NAV3: variants seen among roughly 807,000 people sequenced by gnomAD.
NAV3 encodes the protein pore membrane and/or filament interacting like protein 1.
A neutral mutation model predicts 244.7 loss-of-function variants in NAV3; 87 were observed. That is an observed-to-expected ratio of 0.36 (90% CI 0.30 to 0.42). The LOEUF (loss-of-function observed/expected upper bound fraction) is 0.42. Among genes scored for constraint, NAV3 ranks in the 20% least tolerant of loss-of-function variants. The probability of loss-of-function intolerance (pLI) is 1.00; values close to 1 mark genes in which losing one functional copy is unlikely to be tolerated. For synonymous variants in NAV3, 1,126 were observed against 1,042.2 expected (o/e 1.08, Z -1.55); for missense variants, 2,663 against 2,893.3 (o/e 0.92, Z 1.83).
At chr12:78,108,494 C>A (rs900480419) in intron 12 of NAV3, among the ~76,000 whole-genome samples, 2 of 152,104 alleles carry the variant, frequency 1.3e-5, no homozygotes, top group African/African-American at 2.4e-5. Context: ...CCAACCACTG[C>A]AAAATGAAAT....
At chr12:77,644,204 A>C (rs1178518023) in intron 2 of NAV3, among the ~76,000 whole-genome samples, 1 of 152,006 alleles carries the variant, frequency 6.6e-6, no homozygotes, top group Non-Finnish European at 1.5e-5. Context: ...AGGTCCCCCC[A>C]AAAAAGAGGA....
chr12:78,204,808 T>C, intron 38 of NAV3, 127 bp from the exon 39 acceptor site: 2 of 743,824 alleles, frequency 2.7e-6, no homozygotes, highest in South Asian at 1.8e-5. Context: ...TGTATACAGA[T>C]ACTTAATTCT....
intron 7 of NAV3, among the ~76,000 whole-genome samples, chr12:78,000,063 T>G (rs1462471544): frequency 6.6e-6 from 1 of 152,230 alleles, no homozygotes; most frequent in African/African-American, 2.4e-5. Flanking sequence ...TCTGAATTTT[T>G]CTGTAATGTG....
At chr12:77,710,728 C>T (rs1053902925) in intron 2 of NAV3, among the ~76,000 whole-genome samples, 6 of 152,024 alleles carry the variant, frequency 3.9e-5, no homozygotes, top group Admixed American at 2.0e-4. Context: ...TTTCTGCTGT[C>T]TTGAATTTGT....
At chr12:78,125,522 G>T (rs1300891281) in intron 16 of NAV3, among the ~76,000 whole-genome samples, 1 of 152,130 alleles carries the variant, frequency 6.6e-6, no homozygotes, top group Non-Finnish European at 1.5e-5. Context: ...ATAATTTGTA[G>T]TAACCAACTT....
chr12:78,182,547 A>G (rs148015599), intron 30 of NAV3, among the ~76,000 whole-genome samples: 2,496 of 152,072 alleles, frequency 0.016, 53 homozygotes, highest in African/African-American at 0.058. Flanking sequence ...TTTAGAAAAA[A>G]CAGACACATA....
chr12:77,634,504 C>G (rs1872067876), intron 2 of NAV3, among the ~76,000 whole-genome samples: 1 of 152,074 alleles, frequency 6.6e-6, no homozygotes, highest in Non-Finnish European at 1.5e-5. Context: ...TTTGGGACCA[C>G]AGTCAGTTGT....
intron 2 of NAV3, among the ~76,000 whole-genome samples, chr12:77,795,658 A>T (rs1329533535): frequency 6.6e-6 from 1 of 152,124 alleles, no homozygotes; most frequent in African/African-American, 2.4e-5. Flanking sequence ...CATAACGAAA[A>T]AGTCAATGCT....
intron 12 of NAV3, among the ~76,000 whole-genome samples, chr12:78,093,209 A>ATTCAGGTGTAGGT (rs1335465958): frequency 1.3e-5 from 2 of 152,204 alleles, no homozygotes; most frequent in African/African-American, 2.4e-5. Flanking sequence ...AAGCAAGCAA[A>ATTCAGGTGTAGGT]TTCAGGTGTA....
intron 2 of NAV3, among the ~76,000 whole-genome samples, chr12:77,724,866 A>G (rs148859587): frequency 2.0e-3 from 303 of 152,160 alleles, no homozygotes; most frequent in African/African-American, 6.9e-3. Flanking sequence ...AAGAAAGTTT[A>G]TGTTCTGTGC....
intron 8 of NAV3, among the ~76,000 whole-genome samples, chr12:78,018,705 C>T (rs961394522): frequency 1.3e-5 from 2 of 152,204 alleles, no homozygotes; most frequent in African/African-American, 4.8e-5. Context: ...CAACAAGGTG[C>T]TGTGTCTCTG....
chr12:77,861,116 T>C (rs1715636206), intron 1 of NAV3, among the ~76,000 whole-genome samples: 1 of 151,916 alleles, frequency 6.6e-6, no homozygotes, highest in Admixed American at 6.6e-5. Flanking sequence ...GATTGTCTCC[T>C]ATGTAGTAGA....
chr12:77,673,772 TA>T (rs1322913194), intron 2 of NAV3, among the ~76,000 whole-genome samples: 2 of 152,174 alleles, frequency 1.3e-5, no homozygotes, highest in East Asian at 3.8e-4. Flanking sequence ...TTATAAACTG[TA>T]AAATACCTAT....
At chr12:78,150,367 T>C (rs1957026202) in intron 22 of NAV3, among the ~76,000 whole-genome samples, 1 of 152,068 alleles carries the variant, frequency 6.6e-6, no homozygotes. Context: ...GCTCATCATA[T>C]AATTCAGATA....
At chr12:78,117,346 A>ATTT (rs1955459533) in intron 13 of NAV3, among the ~76,000 whole-genome samples, 1 of 143,738 alleles carries the variant, frequency 7.0e-6, no homozygotes, top group Admixed American at 7.2e-5. Context: ...TTAAATATAT[A>ATTT]AAAATATATA....
chr12:77,609,054 A>G (rs1870794891), intron 2 of NAV3, among the ~76,000 whole-genome samples: 1 of 152,036 alleles, frequency 6.6e-6, no homozygotes, highest in Non-Finnish European at 1.5e-5. Context: ...AGGACCTCTG[A>G]CCACTGGCAT....
intron 1 of NAV3, among the ~76,000 whole-genome samples, chr12:77,859,974 TA>T (rs1879019288): frequency 6.6e-6 from 1 of 151,860 alleles, no homozygotes. Flanking sequence ...CTTCTGGTAG[TA>T]AGTAAAGCAC....
chr12:77,871,774 T>C (rs1374332285), intron 1 of NAV3, among the ~76,000 whole-genome samples: 1 of 152,158 alleles, frequency 6.6e-6, no homozygotes. Flanking sequence ...TTATAGTAGA[T>C]TGATTGATAA....
At chr12:77,717,567 A>G (rs1158910811) in intron 2 of NAV3, among the ~76,000 whole-genome samples, 2 of 152,140 alleles carry the variant, frequency 1.3e-5, no homozygotes, top group Non-Finnish European at 1.5e-5. Context: ...TAGTATGACT[A>G]ATGTTGCAAT....
Sources: allele counts gnomAD v4.1 joint callset (sites outside exome capture counted in the v4.1 genomes callset), GRCh38; gene constraint gnomAD v4.1.1; transcripts MANE v1.5; gene names NCBI Gene and HGNC (gene_info 2026-07-23, HGNC 2026-07-21).